The following CDH7 variants were observed in gnomAD, a reference collection of about 807,000 sequenced individuals.
CDH7 encodes the protein cadherin 7, also known as cadherin-7.
A neutral mutation model predicts 71.8 loss-of-function variants in CDH7; 25 were observed. The observed-to-expected ratio is 0.35, with a 90% CI of 0.25 to 0.49. The LOEUF is 0.49. Among genes scored for constraint, CDH7 ranks in the 20% least tolerant of loss-of-function variants. The pLI is 0.99. For synonymous variants in CDH7, 381 were observed against 363.8 expected, an observed-to-expected ratio of 1.05 and a Z score of -0.54; for missense variants, 862 against 974.6, an observed-to-expected ratio of 0.88 and a Z score of 1.54.
intron 11 of CDH7, among the ~76,000 whole-genome samples, chr18:65,872,210 G>A (rs373437854): frequency 6.6e-6 from 1 of 152,186 alleles, no homozygotes; most frequent in East Asian, 1.9e-4. Context: ...CACATGCCAT[G>A]TAAAAAAAAG....
chr18:65,875,485 G>A (rs1914047429), intron 11 of CDH7, among the ~76,000 whole-genome samples: 1 of 144,178 alleles, frequency 6.9e-6, no homozygotes, highest in African/African-American at 2.4e-5. Flanking sequence ...TTGTAGTATG[G>A]TGTGTGTTTT....
intron 7 of CDH7, among the ~76,000 whole-genome samples, chr18:65,848,263 AATGACTGAACAGGCATTC>A (rs1913006045): frequency 6.6e-6 from 1 of 152,192 alleles, no homozygotes; most frequent in Non-Finnish European, 1.5e-5. Context: ...CAGACTGATC[AATGACTGAACAGGCATTC>A]ATTAAAAACC....
chr18:65,818,916 A>T lies in CDH7; in HGVS notation c.626-3165A>T, dbSNP rs188699445. ...TGGCTGCTCCATTTTGGTGATGGCCATACCAAATGGCTTTAGTTCATTCAT... is the reference window on the plus strand; with the variant it reads ...TGGCTGCTCCATTTTGGTGATGGCCTTACCAAATGGCTTTAGTTCATTCAT... On this transcript the variant is annotated intron_variant, in intron 4 of 11. Transcript: ENST00000397968. 3.4e-3 allele frequency among the ~76,000 whole-genome samples: 517 copies of T among 152,280 alleles called. 8 individuals are homozygous for T. Among genetic ancestry groups the T allele is most frequent in the Non-Finnish European group, 4.6e-3 (313 of 68,016 alleles).
At chr18:65,860,792 C>T (rs1426665375) in intron 10 of CDH7, among the ~76,000 whole-genome samples, 1 of 152,090 alleles carries the variant, frequency 6.6e-6, no homozygotes. Context: ...GAAGCCATCA[C>T]CTTATTTAGT....
intron 1 of CDH7, among the ~76,000 whole-genome samples, chr18:65,760,049 C>T (rs1916147281): frequency 6.6e-6 from 1 of 152,176 alleles, no homozygotes. Flanking sequence ...TTGTCTAAAA[C>T]ATTTGAATAT....
At chr18:65,838,200 A>T (rs1912601472) in intron 6 of CDH7, among the ~76,000 whole-genome samples, 1 of 152,142 alleles carries the variant, frequency 6.6e-6, no homozygotes, top group Non-Finnish European at 1.5e-5. Context: ...AATTACAGGC[A>T]TAAGCCACCA....
chr18:65,839,490 C>A (rs756443652), intron 6 of CDH7, among the ~76,000 whole-genome samples: 10 of 152,098 alleles, frequency 6.6e-5, no homozygotes, highest in Non-Finnish European at 1.5e-4. Flanking sequence ...AATGGCATCA[C>A]CTTGGGGGTT....
At chr18:65,805,037 G>A (rs904968299) in intron 2 of CDH7, among the ~76,000 whole-genome samples, 2 of 151,900 alleles carry the variant, frequency 1.3e-5, no homozygotes, top group Non-Finnish European at 2.9e-5. Flanking sequence ...AACAAATACT[G>A]CTGTTTTTCA....
In CDH7 at chr18:65,842,670, TG is replaced by T. The variant is rs1912777639; in HGVS notation, c.982-1139del. Among the ~76,000 whole-genome samples the T allele has an allele frequency of 2.6e-5, 4 of 152,122 alleles. No homozygotes were observed. The South Asian group carries it at 8.3e-4, about 31-fold the overall frequency. On this transcript the variant is annotated intron_variant, in intron 6 of 11. Transcript: ENST00000397968. Reference sequence around the variant, plus strand: ...TTTATTTTGGTTATTACCTCCTTTGTGGGATAAGTCGGAATAAATGCGTGCC... The same window carrying T: ...TTTATTTTGGTTATTACCTCCTTTGTGGATAAGTCGGAATAAATGCGTGCC...
intron 2 of CDH7, among the ~76,000 whole-genome samples, chr18:65,779,025 G>A (rs529406410): frequency 6.7e-6 from 1 of 149,716 alleles, no homozygotes; most frequent in Non-Finnish European, 1.5e-5. Flanking sequence ...TTCTTTCAAT[G>A]TAGCCCTTTG....
intron 8 of CDH7, among the ~76,000 whole-genome samples, chr18:65,858,214 A>G (rs1374987776): frequency 6.6e-6 from 1 of 152,144 alleles, no homozygotes; most frequent in Non-Finnish European, 1.5e-5. Context: ...TTCTGATCAT[A>G]ATTCATATAT....
chr18:65,882,323 A>G lies in CDH7; in HGVS notation c.*1429A>G, dbSNP rs1472868660. 6.6e-6 allele frequency: 1 copy of G among 152,120 alleles called. No individual in the cohort carries two copies. The highest frequency in any genetic ancestry group is 2.4e-5 in the African/African-American group (1 of 41,438). 9.4% of individuals were successfully genotyped at this position (152,120 alleles called of 1,614,324 possible). On this transcript the variant is annotated 3_prime_UTR_variant, in exon 12 of 12. Coordinates refer to ENST00000397968, the MANE Select transcript of CDH7 (RefSeq NM_004361.5). ...TGTTTCTACCTATTATTTTTCCTAG[A>G]TTAATACTAGTTTAATGTGCATATA...
Position 65,887,013 on chromosome 18 carries a change from T to C in CDH7, c.*6119T>C, listed in dbSNP as rs1914389195. 2 of 152,282 alleles carry C rather than the reference T, an allele frequency of 1.3e-5. No individual in the cohort carries two copies. The highest frequency in any genetic ancestry group is 4.1e-4 in the South Asian group (2 of 4,828). 9.4% of individuals were successfully genotyped at this position (152,282 alleles called of 1,614,324 possible). A position where few individuals can be genotyped will look rare whatever the true frequency, so the allele number is the denominator to read the frequency against. On this transcript the variant is annotated 3_prime_UTR_variant, in exon 12 of 12. Coordinates refer to ENST00000397968, the MANE Select transcript of CDH7 (RefSeq NM_004361.5). ...TGTGAACAGACACTAGAAACAAATA[T>C]ATTAATAACTATGTAACTAATGAGA...
At chr18:65,780,780 C>T (rs1347284963) in intron 2 of CDH7, among the ~76,000 whole-genome samples, 1 of 151,942 alleles carries the variant, frequency 6.6e-6, no homozygotes, top group East Asian at 1.9e-4. Context: ...ATTGACTTGG[C>T]AATGCGGGCT....
chr18:65,874,389 A>G (rs1223488932), intron 11 of CDH7, among the ~76,000 whole-genome samples: 1 of 152,188 alleles, frequency 6.6e-6, no homozygotes, highest in South Asian at 2.1e-4. Context: ...AAATTAGTGG[A>G]GTTACTTTCT....
At chr18:65,842,470 A>G (rs1299036747) in intron 6 of CDH7, among the ~76,000 whole-genome samples, 1 of 151,856 alleles carries the variant, frequency 6.6e-6, no homozygotes, top group Non-Finnish European at 1.5e-5. Flanking sequence ...ACATATATAT[A>G]CACATATGTA....
At chr18:65,842,217 T>C (rs1459197007) in intron 6 of CDH7, among the ~76,000 whole-genome samples, 1 of 152,016 alleles carries the variant, frequency 6.6e-6, no homozygotes, top group Non-Finnish European at 1.5e-5. Context: ...GGCTCAAGAA[T>C]TTATTGAGAC....
chr18:65,787,721 G>T (rs1227248241), intron 2 of CDH7, among the ~76,000 whole-genome samples: 2 of 152,188 alleles, frequency 1.3e-5, no homozygotes, highest in Non-Finnish European at 2.9e-5. Context: ...TGAGAGAGGA[G>T]CTGCTCTCAG....
rs142392049 is a variant in CDH7, at chr18:65,876,482, C to A, written c.1865-3919C>A. On this transcript the variant is annotated intron_variant, in intron 11 of 11. Transcript: ENST00000397968. ...GCCTGACTCGTGCCTACAGCTCCAA[C>A]CTTACCTCACCTCTTTCTTTGCCCT... is the stretch of plus-strand genomic sequence containing the variant. Among the ~76,000 whole-genome samples the A allele has an allele frequency of 2.0e-5, 3 of 152,238 alleles. No individual in the cohort carries two copies. In the East Asian group the frequency reaches 5.8e-4, roughly 29 times the overall value.
Sources: allele counts gnomAD v4.1 joint callset (sites outside exome capture counted in the v4.1 genomes callset), GRCh38; gene constraint gnomAD v4.1.1; transcripts MANE v1.5; gene names NCBI Gene and HGNC (gene_info 2026-07-23, HGNC 2026-07-21).